Variants in AK5 observed in about 807,000 individuals in gnomAD.
AK5 encodes adenylate kinase isoenzyme 5.
AK5 carries 27 observed loss-of-function variants against 69.5 expected under a neutral mutation model. That is an observed-to-expected ratio of 0.39 (90% CI 0.29 to 0.54). The LOEUF (loss-of-function observed/expected upper bound fraction) is 0.54. Ranked by LOEUF, AK5 falls within the 20% of genes least tolerant of loss-of-function variation. AK5 has a pLI of 0.71. For synonymous variants in AK5, 260 were observed against 244.4 expected, an observed-to-expected ratio of 1.06 and a Z score of -0.60; for missense variants, 531 against 700.4, an observed-to-expected ratio of 0.76 and a Z score of 2.73.
intron 6 of AK5, among the ~76,000 whole-genome samples, chr1:77,384,013 A>G (rs1469198840): frequency 3.3e-5 from 5 of 152,170 alleles, no homozygotes; most frequent in Non-Finnish European, 7.4e-5. Flanking sequence ...TAATAAAACC[A>G]CCATGAATAT....
At chr1:77,515,256 C>G (rs1657570410) in intron 10 of AK5, among the ~76,000 whole-genome samples, 1 of 152,146 alleles carries the variant, frequency 6.6e-6, no homozygotes, top group Non-Finnish European at 1.5e-5. Flanking sequence ...AGATAGAAAA[C>G]TCAGACCTTT....
At chr1:77,444,182 T>G in intron 8 of AK5, among the ~76,000 whole-genome samples, 1 of 137,656 alleles carries the variant, frequency 7.3e-6, no homozygotes, top group South Asian at 2.2e-4. Context: ...TCTATATATA[T>G]GTCAGATAAG....
intron 5 of AK5, among the ~76,000 whole-genome samples, chr1:77,335,416 C>A (rs1661297442): frequency 6.8e-6 from 1 of 146,724 alleles, no homozygotes; most frequent in Non-Finnish European, 1.5e-5. Flanking sequence ...TATTTATTCA[C>A]TCATTCAATC....
intron 6 of AK5, among the ~76,000 whole-genome samples, chr1:77,347,787 G>T (rs1237455522): frequency 6.6e-6 from 1 of 152,140 alleles, no homozygotes; most frequent in Non-Finnish European, 1.5e-5. Context: ...GGAAGAACAA[G>T]CAGATACCAC....
chr1:77,555,711 C>T (rs1660063970), intron 13 of AK5, among the ~76,000 whole-genome samples: 1 of 152,252 alleles, frequency 6.6e-6, no homozygotes, highest in East Asian at 1.9e-4. Flanking sequence ...CAGAAAGCTT[C>T]TCTGCCCTCC....
chr1:77,283,742 TG>T (rs1263843062), intron 1 of AK5: 10 of 502,984 alleles, frequency 2.0e-5, no homozygotes, highest in Non-Finnish European at 2.6e-5. Context: ...TCTTAAGAGT[TG>T]TTTTTTTTGT....
intron 6 of AK5, among the ~76,000 whole-genome samples, chr1:77,354,093 C>T (rs970006941): frequency 6.6e-6 from 1 of 151,986 alleles, no homozygotes; most frequent in Non-Finnish European, 1.5e-5. Context: ...ACAGCCATTA[C>T]CAAGTTCAGG....
intron 13 of AK5, among the ~76,000 whole-genome samples, chr1:77,554,238 A>T (rs542861250): frequency 6.6e-6 from 1 of 152,146 alleles, no homozygotes; most frequent in Admixed American, 6.5e-5. Flanking sequence ...ATGTGCTTTC[A>T]GATCTCTACA....
intron 6 of AK5, among the ~76,000 whole-genome samples, chr1:77,395,404 G>A (rs1414502117): frequency 6.6e-6 from 1 of 152,172 alleles, no homozygotes; most frequent in African/African-American, 2.4e-5. Flanking sequence ...GTACCAAGTG[G>A]AATATTGTCT....
intron 12 of AK5, chr1:77,531,994 CCGGCCGGCCGGCCG>C (rs1658647637): frequency 7.9e-6 from 1 of 126,286 alleles, no homozygotes; most frequent in Non-Finnish European, 1.9e-5. Context: ...GGCCATCCGG[CCGGCCGGCCGGCCG>C]CTCCGAGTGC....
intron 8 of AK5, among the ~76,000 whole-genome samples, chr1:77,457,830 A>T (rs895237942): frequency 6.6e-6 from 1 of 152,234 alleles, no homozygotes. Context: ...TTAGTCCAGC[A>T]TATTTAGGCC....
intron 10 of AK5, among the ~76,000 whole-genome samples, chr1:77,517,193 A>G (rs1307133956): frequency 6.6e-6 from 1 of 151,852 alleles, no homozygotes; most frequent in Non-Finnish European, 1.5e-5. Flanking sequence ...GGAGCATAGG[A>G]GGCCATTGAG....
chr1:77,322,957 G>A (rs531438107), intron 5 of AK5, among the ~76,000 whole-genome samples: 9 of 151,798 alleles, frequency 5.9e-5, no homozygotes, highest in African/African-American at 1.2e-4. Flanking sequence ...CAAGTTCTGC[G>A]CTGTTTATTT....
chr1:77,375,266 C>T (rs977544114), intron 6 of AK5, among the ~76,000 whole-genome samples: 13 of 152,030 alleles, frequency 8.6e-5, no homozygotes, highest in African/African-American at 3.1e-4. Context: ...GCAGGAATTA[C>T]AAAATAATTT....
chr1:77,301,588 TA>T (rs2100260037), intron 5 of AK5, among the ~76,000 whole-genome samples: 1 of 152,324 alleles, frequency 6.6e-6, no homozygotes, highest in South Asian at 2.1e-4. Flanking sequence ...ACTCCCCAAG[TA>T]AAACAACCAG....
At chr1:77,545,343 C>A (rs1659487600) in intron 13 of AK5, among the ~76,000 whole-genome samples, 1 of 152,132 alleles carries the variant, frequency 6.6e-6, no homozygotes, top group African/African-American at 2.4e-5. Context: ...TGGGGGAGGG[C>A]TGATTTCATG....
chr1:77,536,158 G>C (rs1658954565), intron 13 of AK5, 120 bp downstream of exon 13: 1 of 1,155,750 alleles, frequency 8.7e-7, no homozygotes, highest in Non-Finnish European at 1.2e-6. Context: ...ACTCTGTGCA[G>C]CTGCAGCACT....
intron 5 of AK5, among the ~76,000 whole-genome samples, chr1:77,330,977 TTTAAG>T (rs1364301975): frequency 1.3e-5 from 2 of 152,110 alleles, no homozygotes. Flanking sequence ...TTATTTCCAT[TTTAAG>T]TTATTTGTTG....
At chr1:77,485,199 A>G (rs1164479816) in intron 9 of AK5, among the ~76,000 whole-genome samples, 1 of 152,246 alleles carries the variant, frequency 6.6e-6, no homozygotes, top group Non-Finnish European at 1.5e-5. Context: ...GATTTGATTT[A>G]AAAATTCTCT....
Sources: allele counts gnomAD v4.1 joint callset (sites outside exome capture counted in the v4.1 genomes callset), GRCh38; gene constraint gnomAD v4.1.1; transcripts MANE v1.5; gene names NCBI Gene and HGNC (gene_info 2026-07-23, HGNC 2026-07-21).